LRP1B: variants seen among roughly 807,000 people sequenced by gnomAD.
The protein encoded by LRP1B is low-density lipoprotein receptor-related protein 1B.
Under a neutral mutation model 556.6 loss-of-function variants are expected in LRP1B, and 217 were observed. The ratio of observed to expected loss-of-function variants is 0.39; its 90% CI spans 0.35 to 0.44. The LOEUF (loss-of-function observed/expected upper bound fraction) is 0.44. Ranked by LOEUF, LRP1B falls within the 20% of genes least tolerant of loss-of-function variation. The pLI is 1.00. For synonymous variants in LRP1B, 2,047 were observed against 1,865.8 expected (o/e 1.10, Z -2.50); for missense variants, 5,053 against 5,620.8 (o/e 0.90, Z 3.23).
chr2:140,371,719 C>A (rs996040664), intron 69 of LRP1B, among the ~76,000 whole-genome samples: 2 of 151,742 alleles, frequency 1.3e-5, no homozygotes, highest in Non-Finnish European at 2.9e-5. Context: ...TTAATTCTTA[C>A]ATTCACTGTA....
At chr2:140,726,510 C>T (rs541032610) in intron 35 of LRP1B, among the ~76,000 whole-genome samples, 1 of 152,190 alleles carries the variant, frequency 6.6e-6, no homozygotes, top group African/African-American at 2.4e-5. Context: ...TTCCTGTTTG[C>T]ATGGCAATTG....
intron 49 of LRP1B, among the ~76,000 whole-genome samples, chr2:140,518,240 T>C (rs1690003254): frequency 6.6e-6 from 1 of 152,276 alleles, no homozygotes; most frequent in East Asian, 1.9e-4. Context: ...TTTGAGTGAA[T>C]TCAGCATTAA....
chr2:140,846,638 C>G (rs1559153485), intron 29 of LRP1B, among the ~76,000 whole-genome samples: 1 of 151,882 alleles, frequency 6.6e-6, no homozygotes, highest in Non-Finnish European at 1.5e-5. Flanking sequence ...TTATTTGGGG[C>G]CCAATTTTTG....
At chr2:140,405,634 T>C (rs1684698552) in intron 66 of LRP1B, among the ~76,000 whole-genome samples, 1 of 152,052 alleles carries the variant, frequency 6.6e-6, no homozygotes, top group South Asian at 2.1e-4. Context: ...CATACAATCC[T>C]CCTAGATTAA....
chr2:141,987,254 T>C (rs981325099), intron 1 of LRP1B, among the ~76,000 whole-genome samples: 7 of 151,986 alleles, frequency 4.6e-5, no homozygotes, highest in Admixed American at 1.3e-4. Flanking sequence ...TGCCAAGTTT[T>C]CACTTGGCTA....
intron 79 of LRP1B, among the ~76,000 whole-genome samples, chr2:140,328,241 T>TAATTAAGTATA (rs1330188409): frequency 3.9e-5 from 6 of 152,012 alleles, no homozygotes; most frequent in African/African-American, 1.4e-4. Flanking sequence ...ATACTTGTTT[T>TAATTAAGTATA]AATTAAGTAT....
chr2:140,883,772 T>A (rs2105186350), intron 25 of LRP1B, 45 bp downstream of exon 25: 3 of 1,449,784 alleles, frequency 2.1e-6, no homozygotes, highest in Non-Finnish European at 2.8e-6. Context: ...ATTGAAAGAC[T>A]ATTTTTTATG....
chr2:141,626,485 G>C (rs1014448449), intron 2 of LRP1B, among the ~76,000 whole-genome samples: 1 of 152,170 alleles, frequency 6.6e-6, no homozygotes, highest in Non-Finnish European at 1.5e-5. Context: ...ATTAGAATCT[G>C]CTTCTCTGTG....
At position 140,456,754 on chromosome 2, in the gene LRP1B, T is replaced by C. The variant is rs186326940; in HGVS notation, c.9815-151A>G. On this transcript the variant is annotated intron_variant, in intron 61 of 90. Coordinates refer to ENST00000389484, the MANE Select transcript of LRP1B (RefSeq NM_018557.3). ...CTCATCAAGACTATAAATATAATTT[T>C]ACTTTGTCACAAATGCTACTCATTG... 1.1e-5 allele frequency: 6 copies of C among 526,988 alleles called. No individual in the cohort carries two copies. The Admixed American group carries it at 2.5e-4, about 22-fold the overall frequency. The allele number at this position is 526,988 out of a possible 1,614,324, so 32.6% of individuals were successfully genotyped here.
At chr2:141,466,519 G>T (rs754402464) in intron 3 of LRP1B, among the ~76,000 whole-genome samples, 3 of 152,210 alleles carry the variant, frequency 2.0e-5, no homozygotes, top group Non-Finnish European at 4.4e-5. Flanking sequence ...AAGGGTGGCT[G>T]TGTGTTAGTT....
At chr2:141,068,454 A>G (rs1699542629) in intron 7 of LRP1B, among the ~76,000 whole-genome samples, 1 of 150,754 alleles carries the variant, frequency 6.6e-6, no homozygotes, top group African/African-American at 2.4e-5. Flanking sequence ...ATGTTTGCAT[A>G]GTGCAAGAGA....
At chr2:140,994,417 G>GTGTT (rs1697183698) in intron 15 of LRP1B, among the ~76,000 whole-genome samples, 1 of 151,678 alleles carries the variant, frequency 6.6e-6, no homozygotes, top group Non-Finnish European at 1.5e-5. Context: ...GTGTGTGTGT[G>GTGTT]TGTATCACAA....
intron 32 of LRP1B, among the ~76,000 whole-genome samples, chr2:140,787,721 C>T (rs1689958245): frequency 1.3e-5 from 2 of 151,804 alleles, no homozygotes; most frequent in Non-Finnish European, 1.5e-5. Flanking sequence ...CAGGCATGCA[C>T]CACCATGCCC....
intron 2 of LRP1B, among the ~76,000 whole-genome samples, chr2:141,568,763 T>C (rs1404331998): frequency 6.6e-6 from 1 of 151,336 alleles, no homozygotes; most frequent in East Asian, 1.9e-4. Flanking sequence ...ATTAGTTTAG[T>C]TAGTTTTTGA....
At chr2:140,879,359 T>C (rs901823597) in intron 25 of LRP1B, among the ~76,000 whole-genome samples, 2 of 152,162 alleles carry the variant, frequency 1.3e-5, no homozygotes, top group Non-Finnish European at 2.9e-5. Flanking sequence ...TTGGGACACT[T>C]TGATTCACTA....
intron 31 of LRP1B, among the ~76,000 whole-genome samples, chr2:140,826,200 G>A (rs1446310048): frequency 1.3e-5 from 2 of 152,076 alleles, no homozygotes; most frequent in Non-Finnish European, 2.9e-5. Context: ...TAACATATAT[G>A]TAGGTATACA....
At chr2:141,875,154 C>T (rs1322425740) in intron 1 of LRP1B, among the ~76,000 whole-genome samples, 3 of 151,402 alleles carry the variant, frequency 2.0e-5, no homozygotes, top group African/African-American at 4.8e-5. Flanking sequence ...TATATTTATA[C>T]ATAAAATGAT....
chr2:140,881,836 C>T (rs1263836737), intron 25 of LRP1B, among the ~76,000 whole-genome samples: 1 of 152,236 alleles, frequency 6.6e-6, no homozygotes, highest in East Asian at 1.9e-4. Context: ...TTGGTATTTT[C>T]ACTTAAATAG....
At chr2:141,950,775 A>G (rs1489382352) in intron 1 of LRP1B, among the ~76,000 whole-genome samples, 1 of 152,118 alleles carries the variant, frequency 6.6e-6, no homozygotes, top group Non-Finnish European at 1.5e-5. Flanking sequence ...TTCATTAGGT[A>G]ACTCGCATTT....
Sources: allele counts gnomAD v4.1 joint callset (sites outside exome capture counted in the v4.1 genomes callset), GRCh38; gene constraint gnomAD v4.1.1; transcripts MANE v1.5; gene names NCBI Gene and HGNC (gene_info 2026-07-23, HGNC 2026-07-21).